NAPG: variants seen among roughly 807,000 people sequenced by gnomAD.
NAPG encodes gamma-soluble NSF attachment protein.
NAPG carries 25 observed loss-of-function variants against 48.4 expected under a neutral mutation model. That is an observed-to-expected ratio of 0.52 (90% CI 0.38 to 0.72). The LOEUF (loss-of-function observed/expected upper bound fraction) is 0.72, where lower values mean the gene tolerates loss of function less well. NAPG is among the 30% of genes least tolerant of loss of function. The pLI is 0.00. For synonymous variants in NAPG, 139 were observed against 127.2 expected, an observed-to-expected ratio of 1.09 and a Z score of -0.62; for missense variants, 359 against 372.5, an observed-to-expected ratio of 0.96 and a Z score of 0.30.
At position 10,543,382 on chromosome 18, in the gene NAPG, A is replaced by G. The variant is rs1055293360; in HGVS notation, c.507-2944A>G. On this transcript the variant is annotated intron_variant, in intron 8 of 11. Coordinates refer to ENST00000322897, the MANE Select transcript of NAPG (RefSeq NM_003826.3). This position sits in a 1 kb window ranked among gnomAD's most constrained non-coding sequence, Gnocchi z 4.4. ...TATGTTCAGGGGTGGGATGTGTGCT[A>G]TTAAGGAGAATCACTGGGTTTCTGT... Among the ~76,000 whole-genome samples, 1 of 152,160 alleles carries G rather than the reference A, an allele frequency of 6.6e-6. No homozygotes were observed. Among genetic ancestry groups the G allele is most frequent in the African/African-American group, 2.4e-5 (1 of 41,434 alleles).
rs1394884250 is a variant in NAPG, at chr18:10,548,191, TACAA to T, written c.586-102_586-99del. On this transcript the variant is annotated intron_variant, in intron 9 of 11. Transcript: ENST00000322897. This position sits in a 1 kb window ranked among gnomAD's most constrained non-coding sequence, Gnocchi z 4.4. The stretch of plus-strand genomic sequence containing the variant: ...TATAGCATTTATAAATCTCTGTTTA[TACAA>T]ACAAAGACTCTGAAAGTTAAACTCC... 7 of 770,312 alleles carry T rather than the reference TACAA, an allele frequency of 9.1e-6. No homozygotes were observed. The highest frequency in any genetic ancestry group is 1.6e-5 in the Non-Finnish European group (7 of 451,136). 47.7% of individuals were successfully genotyped at this position (770,312 alleles called of 1,614,324 possible). A position where few individuals can be genotyped will look rare whatever the true frequency, so the allele number is the denominator to read the frequency against.
chr18:10,541,248 G>A (rs1420369238), intron 8 of NAPG, among the ~76,000 whole-genome samples: 1 of 152,104 alleles, frequency 6.6e-6, no homozygotes, highest in Non-Finnish European at 1.5e-5. Context: ...TTTGTTTATA[G>A]GACCTTCCTT....
At position 10,551,933 on chromosome 18, in the gene NAPG, G is replaced by C. The variant is rs2032404555; in HGVS notation, c.*1713G>C. The C allele has an allele frequency of 6.6e-6, 1 of 152,166 alleles. No individual in the cohort carries two copies. The highest frequency in any genetic ancestry group is 1.5e-5 in the Non-Finnish European group (1 of 68,036). 9.4% of individuals were successfully genotyped at this position (152,166 alleles called of 1,614,324 possible). A position where few individuals can be genotyped will look rare whatever the true frequency, so the allele number is the denominator to read the frequency against. On this transcript the variant is annotated 3_prime_UTR_variant, in exon 12 of 12. Transcript: ENST00000322897. ...TGATATTGGGATTAACTATGAACAA[G>C]CTATATGTAGACATTTGCATTTAAG...
chr18:10,535,113 T>G lies in NAPG; in HGVS notation c.258+617T>G, dbSNP rs2032005309. ...GGCAGTTGAAATGAAGTATTTGTCT[T>G]TCTTTTTTAAAAATGTTTTTTTCTA... On this transcript the variant is annotated intron_variant, in intron 5 of 11. Coordinates refer to ENST00000322897, the MANE Select transcript of NAPG (RefSeq NM_003826.3). 3.3e-5 allele frequency among the ~76,000 whole-genome samples: 5 copies of G among 152,250 alleles called. No individual in the cohort carries two copies. The South Asian group carries it at 1.0e-3, about 31-fold the overall frequency.
Position 10,534,603 on chromosome 18 carries a change from G to C in NAPG, c.258+107G>C. The C allele has an allele frequency of 1.0e-6, 1 of 983,680 alleles. No individual in the cohort carries two copies. 60.9% of individuals were successfully genotyped at this position (983,680 alleles called of 1,614,324 possible). A position where few individuals can be genotyped will look rare whatever the true frequency, so the allele number is the denominator to read the frequency against. On this transcript the variant is annotated intron_variant, in intron 5 of 11. Coordinates refer to ENST00000322897, the MANE Select transcript of NAPG (RefSeq NM_003826.3). The surrounding 1 kb of genome is among the most constrained non-coding windows in gnomAD (Gnocchi z 5.0). ...GAAAAGCTTCCTTACTGTAAGGCAA[G>C]AGGTGCTAAGTTAAGATTTTCTGTC...
chr18:10,539,444 T>C lies in NAPG; in HGVS notation c.259-318T>C, dbSNP rs1337471223. ...ACCAAACACCGCATGTTCTCACTCA[T>C]ACGTGGGAATTGAACCACAAGGACA... is the stretch of plus-strand genomic sequence containing the variant. On this transcript the variant is annotated intron_variant, in intron 5 of 11. Coordinates refer to ENST00000322897, the MANE Select transcript of NAPG (RefSeq NM_003826.3). This position sits in a 1 kb window ranked among gnomAD's most constrained non-coding sequence, Gnocchi z 4.7. 1 of 243,284 alleles carries C rather than the reference T, an allele frequency of 4.1e-6. No homozygotes were observed. Among genetic ancestry groups the C allele is most frequent in the Non-Finnish European group, 8.1e-6 (1 of 123,406 alleles). 15.1% of individuals were successfully genotyped at this position (243,284 alleles called of 1,614,324 possible).
chr18:10,533,680 T>C (rs556306985), intron 4 of NAPG, 127 bp downstream of exon 4: 38 of 768,912 alleles, frequency 4.9e-5, no homozygotes, highest in Admixed American at 6.9e-5. Flanking sequence ...CATTTCTCTT[T>C]GCTTCAGTTT....
rs1050303341 is a variant in NAPG at position 10,550,557 on chromosome 18, C to G, written c.*337C>G. On this transcript the variant is annotated 3_prime_UTR_variant, in exon 12 of 12. Transcript: ENST00000322897. ...AAGGGGTAATAAGCATAGGTATTCT[C>G]TCTTGGACACTTGTAAGTTACTGTT... is the stretch of plus-strand genomic sequence containing the variant. 1 of 178,274 alleles carries G rather than the reference C, an allele frequency of 5.6e-6. No individual in the cohort carries two copies. The highest frequency in any genetic ancestry group is 6.4e-5 in the Admixed American group (1 of 15,542). The allele number at this position is 178,274 out of a possible 1,614,324, so 11.0% of individuals were successfully genotyped here.
intron 7 of NAPG, 101 bp from the exon 8 acceptor site, chr18:10,540,228 C>T (rs1409973952): frequency 3.5e-6 from 4 of 1,136,932 alleles, no homozygotes; most frequent in Middle Eastern, 2.0e-4. Flanking sequence ...CGTGTTCCCC[C>T]CTTGATCCAG....
At chr18:10,540,496 G>T in intron 8 of NAPG, 97 bp downstream of exon 8, 1 of 964,052 alleles carries the variant, frequency 1.0e-6, no homozygotes, top group South Asian at 1.4e-5. Flanking sequence ...TAATTTTTTG[G>T]TATAAGCTGT....
In NAPG at chr18:10,542,074, TG is replaced by T. The variant is rs1000139316; in HGVS notation, c.506+1676del. On this transcript the variant is annotated intron_variant, in intron 8 of 11. Coordinates refer to ENST00000322897, the MANE Select transcript of NAPG (RefSeq NM_003826.3). The surrounding 1 kb of genome is among the most constrained non-coding windows in gnomAD (Gnocchi z 4.5). ...TTTGGACACATCTGATGAAAGCCAT[TG>T]TTTTAAAGCAATTACTGTGTTAAAT... Among the ~76,000 whole-genome samples, 1 of 152,210 alleles carries T rather than the reference TG, an allele frequency of 6.6e-6. No homozygotes were observed. Among genetic ancestry groups the T allele is most frequent in the African/African-American group, 2.4e-5 (1 of 41,458 alleles).
At chr18:10,532,614 A>T in intron 2 of NAPG, 97 bp from the exon 3 acceptor site, 2 of 845,936 alleles carry the variant, frequency 2.4e-6, no homozygotes, top group East Asian at 5.6e-5. Context: ...ATTTGAAGTA[A>T]GTATGTTTAT....
At chr18:10,535,398 A>G (rs899364396) in intron 5 of NAPG, among the ~76,000 whole-genome samples, 22 of 152,304 alleles carry the variant, frequency 1.4e-4, no homozygotes, top group African/African-American at 5.3e-4. Context: ...TATCATCGAG[A>G]GAGAGAGATC....
In NAPG at chr18:10,544,811, T is replaced by G. The variant is rs529590466; in HGVS notation, c.507-1515T>G. Among the ~76,000 whole-genome samples the G allele has an allele frequency of 3.9e-5, 6 of 152,286 alleles. No homozygotes were observed. In the East Asian group the frequency reaches 9.6e-4, roughly 24 times the overall value. On this transcript the variant is annotated intron_variant, in intron 8 of 11. Coordinates refer to ENST00000322897, the MANE Select transcript of NAPG (RefSeq NM_003826.3). This position sits in a 1 kb window ranked among gnomAD's most constrained non-coding sequence, Gnocchi z 5.1. ...ACCAAACCCAGCTTATAAATTGACT[T>G]TGTTCCAAAAATTTATCAAGTTGAC...
At position 10,540,035 on chromosome 18, in the gene NAPG, A is replaced by G. The variant is rs1172592873; in HGVS notation, c.416A>G (p.Gln139Arg). The G allele has an allele frequency of 6.3e-7, 1 of 1,588,780 alleles. No individual in the cohort carries two copies. The highest frequency in any genetic ancestry group is 8.6e-7 in the Non-Finnish European group (1 of 1,166,292). Reference sequence around the variant, plus strand: ...GAGAAGGCTGTACAGTTATATCAACAGACAGCTAATGTGTTTGAAGTAAGT... The same window carrying G: ...GAGAAGGCTGTACAGTTATATCAACGGACAGCTAATGTGTTTGAAGTAAGT... Reference protein sequence around the residue: ...DPEKAVQLYQQTANVFENEER... With the variant: ...DPEKAVQLYQRTANVFENEER... Residue 139 changes from glutamine to arginine, a missense_variant, in exon 7 of 12, where the codon CAG (glutamine) becomes CGG (arginine). Transcript: ENST00000322897.
intron 7 of NAPG, 60 bp from the exon 8 acceptor site, chr18:10,540,269 G>A: frequency 7.0e-7 from 1 of 1,430,174 alleles, no homozygotes; most frequent in Non-Finnish European, 9.8e-7. Flanking sequence ...ATAAATATTA[G>A]GGGATAAAAA....
At position 10,550,297 on chromosome 18, in the gene NAPG, A is replaced by G. The variant is rs1485566375; in HGVS notation, c.*77A>G. On this transcript the variant is annotated 3_prime_UTR_variant, in exon 12 of 12. Coordinates refer to ENST00000322897, the MANE Select transcript of NAPG (RefSeq NM_003826.3). Reference sequence around the variant, plus strand: ...CATTTCAAGGACTTGGGAATAGATTAGGGATATCCGTACTTCATTACAGTC... The same window carrying G: ...CATTTCAAGGACTTGGGAATAGATTGGGGATATCCGTACTTCATTACAGTC... The G allele has an allele frequency of 1.4e-5, 20 of 1,445,610 alleles. No individual in the cohort carries two copies. The highest frequency in any genetic ancestry group is 1.3e-5 in the Non-Finnish European group (14 of 1,087,832). The allele number at this position is 1,445,610 out of a possible 1,614,324, so 89.5% of individuals were successfully genotyped here.
chr18:10,548,996 G>A lies in NAPG; in HGVS notation c.695G>A (p.Cys232Tyr), dbSNP rs762703432. The A allele has an allele frequency of 1.2e-6, 2 of 1,613,908 alleles. No homozygotes were observed. The highest frequency in any genetic ancestry group is 8.5e-7 in the Non-Finnish European group (1 of 1,179,828). Reference sequence around the variant, plus strand: ...CCTGGGTTCAATGGCAGTGAAGACTGTGCTGCCCTGGAACAGCTTCTTGAA... The same window carrying A: ...CCTGGGTTCAATGGCAGTGAAGACTATGCTGCCCTGGAACAGCTTCTTGAA... The part of the protein sequence containing the change: ...SIPGFNGSED[C>Y]AALEQLLEGY... The change falls in exon 11 of 12, where the codon TGT becomes TAT. Residue 232 changes from cysteine (C) to tyrosine (Y), a missense_variant. Cys to Tyr is a radical substitution (Grantham distance 194). Coordinates refer to ENST00000322897, the MANE Select transcript of NAPG (RefSeq NM_003826.3). The surrounding 1 kb of genome is among the most constrained non-coding windows in gnomAD (Gnocchi z 4.4).
In NAPG at chr18:10,546,309, T is replaced by C; in HGVS notation, c.507-17T>C. Reference sequence around the variant, plus strand: ...CATTTAGACCTGCTTTTTTTACATTTCTGTGTTTTGTTTTAGGTTTGATGA... The same window carrying C: ...CATTTAGACCTGCTTTTTTTACATTCCTGTGTTTTGTTTTAGGTTTGATGA... On this transcript the variant is annotated splice_polypyrimidine_tract_variant and intron_variant, in intron 8 of 11. Transcript: ENST00000322897. This position sits in a 1 kb window ranked among gnomAD's most constrained non-coding sequence, Gnocchi z 4.0. 2 of 1,527,032 alleles carry C rather than the reference T, an allele frequency of 1.3e-6. No homozygotes were observed. The highest frequency in any genetic ancestry group is 1.8e-6 in the Non-Finnish European group (2 of 1,122,092). 94.6% of individuals were successfully genotyped at this position (1,527,032 alleles called of 1,614,324 possible).
Sources: allele counts gnomAD v4.1 joint callset (sites outside exome capture counted in the v4.1 genomes callset), GRCh38; gene constraint gnomAD v4.1.1; non-coding constraint Gnocchi (gnomAD v3.1); transcripts MANE v1.5; gene names NCBI Gene and HGNC (gene_info 2026-07-23, HGNC 2026-07-21).